EML6: variants seen among roughly 807,000 people sequenced by gnomAD.
EML6 encodes the protein echinoderm microtubule-associated protein-like 6.
Under a neutral mutation model 240.1 loss-of-function variants are expected in EML6, and 154 were observed. That is an observed-to-expected ratio of 0.64 (90% confidence interval 0.56 to 0.73). The LOEUF (loss-of-function observed/expected upper bound fraction) is 0.73. EML6 is among the 30% of genes least tolerant of loss of function. The pLI, the probability that EML6 is intolerant of heterozygous loss-of-function variation, is 0.00. For synonymous variants in EML6, 1,148 were observed against 899.0 expected (o/e 1.28, Z -4.95); for missense variants, 2,964 against 2,474.6 (o/e 1.20, Z -4.20).
At position 54,948,942 on chromosome 2, in the gene EML6, A is replaced by C. The variant is rs759718122; in HGVS notation, c.4065A>C (p.Lys1355Asn). ...AACTGCAGAAGAACAATATCACCAA[A>C]AAAAAGAAACTGGTTGAGGTGAGTT... ...PEKLQKNNIT[K>N]KKKLVEELAL... Residue 1355 changes from lysine to asparagine, a missense_variant, in exon 29 of 42, where the codon AAA (lysine) becomes AAC (asparagine). By Grantham distance (94) the Lys-to-Asn change is moderately conservative (BLOSUM62 0). Coordinates refer to ENST00000356458, the MANE Select transcript of EML6 (RefSeq NM_001039753.4). The C allele has an allele frequency of 6.4e-7, 1 of 1,551,300 alleles. No homozygotes were observed. The highest frequency in any genetic ancestry group is 1.2e-5 in the South Asian group (1 of 84,060).
At chr2:54,785,979 G>A (rs1351505994) in intron 2 of EML6, among the ~76,000 whole-genome samples, 1 of 151,858 alleles carries the variant, frequency 6.6e-6, no homozygotes, top group Non-Finnish European at 1.5e-5. Context: ...GCAATTTAGG[G>A]CATGGTTATG....
intron 2 of EML6, among the ~76,000 whole-genome samples, chr2:54,758,752 G>T (rs1017202500): frequency 6.6e-6 from 1 of 152,062 alleles, no homozygotes; most frequent in African/African-American, 2.4e-5. Context: ...TTTTATAAAA[G>T]AATATGATGC....
chr2:54,962,571 G>GA lies in EML6; in HGVS notation c.5024dup (p.Asn1675LysfsTer5), dbSNP rs1008972663. Reference sequence around the variant, plus strand: ...AGACGGAGAAATAATTGAAGTTGGTGAAAAAAATGCTGCTTCTAACATCCT... The same window carrying GA: ...AGACGGAGAAATAATTGAAGTTGGTGAAAAAAAATGCTGCTTCTAACATCCT... On this transcript the variant is annotated frameshift_variant, in exon 36 of 42. Transcript: ENST00000356458. LOFTEE classifies it high-confidence loss of function. 14 of 1,549,030 alleles carry GA rather than the reference G, an allele frequency of 9.0e-6. No individual in the cohort carries two copies. Among genetic ancestry groups the GA allele is most frequent in the East Asian group, 2.5e-5 (1 of 40,810 alleles).
intron 25 of EML6, among the ~76,000 whole-genome samples, chr2:54,915,174 G>A (rs1673845974): frequency 6.6e-6 from 1 of 152,148 alleles, no homozygotes; most frequent in South Asian, 2.1e-4. Flanking sequence ...CATTTTAAGT[G>A]CAATTTCTGT....
chr2:54,892,194 C>G (rs1048730935), intron 18 of EML6, among the ~76,000 whole-genome samples: 12 of 152,170 alleles, frequency 7.9e-5, no homozygotes, highest in African/African-American at 2.9e-4. Flanking sequence ...TCCTTGAATA[C>G]AGGAACCCTC....
Position 54,903,174 on chromosome 2 carries a change from C to A in EML6, c.3255C>A (p.Ile1085=), listed in dbSNP as rs1169932042. ...MVSFHHRKEM[I]SDIKFSKDTG... ...CTTTCCATCACAGAAAAGAAATGAT[C>A]TCTGATATTAAGTTTTCAAAAGGTG... The change falls in exon 23 of 42, where the codon ATC becomes ATA. Residue 1085 remains isoleucine (I), a synonymous_variant. Coordinates refer to ENST00000356458, the MANE Select transcript of EML6 (RefSeq NM_001039753.4). 1 of 1,551,816 alleles carries A rather than the reference C, an allele frequency of 6.4e-7. No individual in the cohort carries two copies. Among genetic ancestry groups the A allele is most frequent in the Non-Finnish European group, 8.7e-7 (1 of 1,147,000 alleles).
chr2:54,732,111 A>T (rs1189790847), intron 2 of EML6, among the ~76,000 whole-genome samples: 1 of 152,126 alleles, frequency 6.6e-6, no homozygotes. Context: ...TCTTCTTTGG[A>T]TAAATGTCTA....
At chr2:54,778,081 C>A (rs1455575708) in intron 2 of EML6, among the ~76,000 whole-genome samples, 1 of 152,116 alleles carries the variant, frequency 6.6e-6, no homozygotes, top group Non-Finnish European at 1.5e-5. Flanking sequence ...TCTGTTTTTT[C>A]TTCAACTGTT....
intron 5 of EML6, among the ~76,000 whole-genome samples, chr2:54,825,926 C>A (rs540203160): frequency 2.0e-5 from 3 of 152,176 alleles, no homozygotes; most frequent in Admixed American, 6.5e-5. Flanking sequence ...TTCATCTCAT[C>A]CTGCTTCTCT....
At chr2:54,928,169 C>G in intron 26 of EML6, 144 bp from the exon 27 acceptor site, 1 of 700,130 alleles carries the variant, frequency 1.4e-6, no homozygotes, top group Non-Finnish European at 2.6e-6. Flanking sequence ...AGTGCCTGCC[C>G]ACATGGAGCT....
At chr2:54,851,505 T>C (rs1282187350) in intron 10 of EML6, among the ~76,000 whole-genome samples, 1 of 152,198 alleles carries the variant, frequency 6.6e-6, no homozygotes, top group Non-Finnish European at 1.5e-5. Flanking sequence ...AAAGACATAA[T>C]GTTAGGATTT....
chr2:54,936,497 C>A (rs1675141349), intron 28 of EML6, among the ~76,000 whole-genome samples: 1 of 152,100 alleles, frequency 6.6e-6, no homozygotes, highest in African/African-American at 2.4e-5. Context: ...CTACAGAAAC[C>A]CAACTTTATA....
chr2:54,878,224 A>G (rs1671610004), intron 16 of EML6, among the ~76,000 whole-genome samples: 1 of 152,222 alleles, frequency 6.6e-6, no homozygotes, highest in Admixed American at 6.5e-5. Flanking sequence ...TTTGGGGTAT[A>G]CTGCAGGTCT....
intron 2 of EML6, among the ~76,000 whole-genome samples, chr2:54,766,167 C>G (rs1384694537): frequency 2.6e-5 from 4 of 152,110 alleles, no homozygotes; most frequent in Admixed American, 2.6e-4. Flanking sequence ...AAAACAAGGA[C>G]TTCTTTTGTG....
At chr2:54,825,600 T>A (rs1182773479) in intron 5 of EML6, among the ~76,000 whole-genome samples, 1 of 151,976 alleles carries the variant, frequency 6.6e-6, no homozygotes, top group Non-Finnish European at 1.5e-5. Context: ...CACCTTTTCA[T>A]TAATAATACC....
intron 26 of EML6, among the ~76,000 whole-genome samples, chr2:54,919,035 C>T (rs1420935228): frequency 1.3e-5 from 2 of 152,162 alleles, no homozygotes; most frequent in Non-Finnish European, 2.9e-5. Context: ...TGTTTGATGC[C>T]ACCTCTCCTG....
rs1158569249 is a variant in EML6 at position 54,805,102 on chromosome 2, C to A, written c.198-8130C>A. On this transcript the variant is annotated intron_variant, in intron 2 of 41. Coordinates refer to ENST00000356458, the MANE Select transcript of EML6 (RefSeq NM_001039753.4). ...CTGAATGCTCCAGAGTTCTTTCACT[C>A]AATGTAATATTTTTGAGATTCATCC... 2.6e-5 allele frequency among the ~76,000 whole-genome samples: 4 copies of A among 152,258 alleles called. No individual in the cohort carries two copies. The East Asian group carries it at 7.7e-4, about 29-fold the overall frequency.
In EML6 at chr2:54,970,419, C is replaced by CG; in HGVS notation, c.*326dup. ...AGCCCGCTGACGAATTTTGAAGCCTCGGTTACCCTAACCAATATGTAGCTT... is the reference window on the plus strand; with the variant it reads ...AGCCCGCTGACGAATTTTGAAGCCTCGGGTTACCCTAACCAATATGTAGCTT... On this transcript the variant is annotated 3_prime_UTR_variant, in exon 42 of 42. Coordinates refer to ENST00000356458, the MANE Select transcript of EML6 (RefSeq NM_001039753.4). 1 of 325,004 alleles carries CG rather than the reference C, an allele frequency of 3.1e-6. No individual in the cohort carries two copies. Among genetic ancestry groups the CG allele is most frequent in the Non-Finnish European group, 5.7e-6 (1 of 174,160 alleles). The allele number at this position is 325,004 out of a possible 1,614,324, so 20.1% of individuals were successfully genotyped here. A position where few individuals can be genotyped will look rare whatever the true frequency, so the allele number is the denominator to read the frequency against.
At chr2:54,816,201 C>T (rs1416434540) in intron 3 of EML6, among the ~76,000 whole-genome samples, 1 of 152,098 alleles carries the variant, frequency 6.6e-6, no homozygotes, top group Non-Finnish European at 1.5e-5. Context: ...ATGTGGGTTG[C>T]ATTTTATTCT....
Sources: allele counts gnomAD v4.1 joint callset (sites outside exome capture counted in the v4.1 genomes callset), GRCh38; gene constraint gnomAD v4.1.1; transcripts MANE v1.5; gene names NCBI Gene and HGNC (gene_info 2026-07-23, HGNC 2026-07-21).